Variants in DOCK2 observed in about 807,000 individuals in gnomAD.
DOCK2 encodes dedicator of cytokinesis 2.
DOCK2 carries 87 observed loss-of-function variants against 248.9 expected under a neutral mutation model. That is an observed-to-expected ratio of 0.35 (90% CI 0.29 to 0.42). The LOEUF (loss-of-function observed/expected upper bound fraction) is 0.42, where lower values mean the gene tolerates loss of function less well. Ranked by LOEUF, DOCK2 falls within the 10% of genes least tolerant of loss-of-function variation. DOCK2 has a pLI of 1.00. For missense variants in DOCK2, 1,747 were observed against 2,300.2 expected, an observed-to-expected ratio of 0.76 and a Z score of 4.92; for synonymous variants, 805 against 821.6, an observed-to-expected ratio of 0.98 and a Z score of 0.35.
At chr5:169,757,796 A>G (rs543564963) in intron 23 of DOCK2, among the ~76,000 whole-genome samples, 5 of 152,338 alleles carry the variant, frequency 3.3e-5, no homozygotes, top group Admixed American at 6.5e-5. Context: ...TAGTAAATAT[A>G]GATGTTCAAT....
At chr5:169,934,739 C>T (rs1296489707) in intron 27 of DOCK2, 1 of 456,150 alleles carries the variant, frequency 2.2e-6, no homozygotes, top group South Asian at 1.5e-5. Context: ...CAGGGCTGCT[C>T]ACGGGATCAG....
chr5:170,081,821 C>T (rs563816724), intron 50 of DOCK2, 21 bp from the exon 51 acceptor site: 10 of 1,606,148 alleles, frequency 6.2e-6, no homozygotes, highest in Non-Finnish European at 7.6e-6. Context: ...CATTCACACC[C>T]CAGCTCTGCT....
chr5:170,057,955 G>A (rs1451194725), intron 44 of DOCK2, among the ~76,000 whole-genome samples: 1 of 152,012 alleles, frequency 6.6e-6, no homozygotes, highest in East Asian at 1.9e-4. Flanking sequence ...TGTAGCAGAG[G>A]GCCTGGAACA....
At chr5:169,980,642 A>G (rs1777909638) in intron 27 of DOCK2, 1 of 152,168 alleles carries the variant, frequency 6.6e-6, no homozygotes, top group Non-Finnish European at 1.5e-5. Context: ...TACACCCCAC[A>G]AATGCTAAGG....
At chr5:169,670,178 G>T (rs187210168) in intron 3 of DOCK2, among the ~76,000 whole-genome samples, 1 of 152,164 alleles carries the variant, frequency 6.6e-6, no homozygotes, top group Non-Finnish European at 1.5e-5. Flanking sequence ...AGAGCTCCTC[G>T]TCTCGCTTAA....
chr5:170,045,680 A>G, intron 38 of DOCK2, 136 bp from the exon 39 acceptor site: 1 of 814,824 alleles, frequency 1.2e-6, no homozygotes, highest in East Asian at 2.5e-5. Context: ...GCCCCTCTGT[A>G]TGGGGGTGGA....
At chr5:169,858,827 C>T (rs2113397154) in intron 27 of DOCK2, among the ~76,000 whole-genome samples, 1 of 152,096 alleles carries the variant, frequency 6.6e-6, no homozygotes, top group African/African-American at 2.4e-5. Context: ...CATAGCAAGG[C>T]TCAGTCTTTA....
chr5:170,048,123 G>A (rs1227789312), intron 40 of DOCK2, among the ~76,000 whole-genome samples: 1 of 152,216 alleles, frequency 6.6e-6, no homozygotes, highest in Non-Finnish European at 1.5e-5. Flanking sequence ...CAGGCATGGT[G>A]GCTGATGCCT....
At chr5:169,779,209 A>G (rs1330515798) in intron 25 of DOCK2, 2 of 152,264 alleles carry the variant, frequency 1.3e-5, no homozygotes, top group South Asian at 2.1e-4. Flanking sequence ...AGGCCCTGAA[A>G]GAGGAAGTGG....
At chr5:169,949,390 G>A (rs1156537987) in intron 27 of DOCK2, among the ~76,000 whole-genome samples, 2 of 152,158 alleles carry the variant, frequency 1.3e-5, no homozygotes, top group Non-Finnish European at 2.9e-5. Context: ...CATGTTCCTG[G>A]GGCTGCCTGA....
intron 22 of DOCK2, among the ~76,000 whole-genome samples, chr5:169,727,422 G>A (rs1445227963): frequency 6.6e-6 from 1 of 152,270 alleles, no homozygotes; most frequent in Non-Finnish European, 1.5e-5. Context: ...ACCCACACAC[G>A]AATGTCATGT....
intron 33 of DOCK2, among the ~76,000 whole-genome samples, chr5:170,024,834 C>G (rs1483681425): frequency 1.3e-5 from 2 of 152,134 alleles, no homozygotes; most frequent in African/African-American, 2.4e-5. Context: ...CCAGCTCACC[C>G]CAAGGGCTCA....
intron 2 of DOCK2, among the ~76,000 whole-genome samples, chr5:169,665,642 A>G (rs900181296): frequency 1.3e-5 from 2 of 152,098 alleles, no homozygotes; most frequent in African/African-American, 4.8e-5. Flanking sequence ...AACTTTTTGT[A>G]CCTTTGCCAG....
At chr5:169,690,268 ACT>A (rs1294061244) in intron 9 of DOCK2, among the ~76,000 whole-genome samples, 1 of 152,098 alleles carries the variant, frequency 6.6e-6, no homozygotes, top group Non-Finnish European at 1.5e-5. Flanking sequence ...TGGGGAGAAC[ACT>A]GTTTATGAGA....
At chr5:169,829,213 A>T (rs30086) in intron 26 of DOCK2, among the ~76,000 whole-genome samples, 1 of 152,070 alleles carries the variant, frequency 6.6e-6, no homozygotes, top group African/African-American at 2.4e-5. Context: ...TAGTTGCAAA[A>T]ATTTTCATCA....
intron 27 of DOCK2, among the ~76,000 whole-genome samples, chr5:169,951,490 C>T (rs1776662418): frequency 6.6e-6 from 1 of 152,200 alleles, no homozygotes; most frequent in Admixed American, 6.5e-5. Context: ...TCACTCAGAG[C>T]CTGCTGTGTG....
At chr5:170,034,786 T>C (rs112391777) in intron 35 of DOCK2, among the ~76,000 whole-genome samples, 3,733 of 152,270 alleles carry the variant, frequency 0.025, 142 homozygotes, top group African/African-American at 0.086. Flanking sequence ...TAATGCATAT[T>C]CCCTTTAGCA....
rs541790432 is a variant in DOCK2 at position 169,860,579 on chromosome 5, G to T, written c.2799+19727G>T. 3.3e-5 allele frequency among the ~76,000 whole-genome samples: 5 copies of T among 152,260 alleles called. 1 individual carries two copies. The South Asian group carries it at 6.2e-4, about 19-fold the overall frequency. On this transcript the variant is annotated intron_variant, in intron 27 of 51. Coordinates refer to ENST00000520908, the MANE Select transcript of DOCK2 (RefSeq NM_004946.3). ...CCAAGACTTCTGATTCTATGTCCAG[G>T]GTTTGTTTTTGTTATTGTTTCTCTA...
At chr5:169,754,525 G>C (rs1764084774) in intron 23 of DOCK2, among the ~76,000 whole-genome samples, 1 of 152,192 alleles carries the variant, frequency 6.6e-6, no homozygotes, top group African/African-American at 2.4e-5. Context: ...TTAACTTAAG[G>C]AATGTCAGAA....
Sources: allele counts gnomAD v4.1 joint callset (sites outside exome capture counted in the v4.1 genomes callset), GRCh38; gene constraint gnomAD v4.1.1; transcripts MANE v1.5; gene names NCBI Gene and HGNC (gene_info 2026-07-23, HGNC 2026-07-21).